TTC39A: variants seen among roughly 807,000 people sequenced by gnomAD.
The protein encoded by TTC39A is tetratricopeptide repeat domain 39A, also known as tetratricopeptide repeat protein 39A.
TTC39A carries 46 observed loss-of-function variants against 82.3 expected under a neutral mutation model. The observed-to-expected ratio is 0.56, with a 90% CI of 0.44 to 0.71. TTC39A has a LOEUF of 0.71. Among genes scored for constraint, TTC39A ranks in the 30% least tolerant of loss-of-function variants. The probability of loss-of-function intolerance (pLI) is 0.00; values close to 1 mark genes in which losing one functional copy is unlikely to be tolerated. For missense variants in TTC39A, 543 were observed against 712.9 expected, an observed-to-expected ratio of 0.76 and a Z score of 2.71; for synonymous variants, 254 against 275.2, an observed-to-expected ratio of 0.92 and a Z score of 0.76.
chr1:51,311,854 C>A (rs1645096616), intron 4 of TTC39A, among the ~76,000 whole-genome samples: 1 of 152,248 alleles, frequency 6.6e-6, no homozygotes, highest in South Asian at 2.1e-4. Context: ...AGGAGCAGAG[C>A]CCTGGCCTTG....
rs1344901520 is a variant in TTC39A, at chr1:51,294,809, G to A, written c.1146-298C>T. Among the ~76,000 whole-genome samples the A allele has an allele frequency of 6.6e-6, 1 of 152,124 alleles. No individual in the cohort carries two copies. The highest frequency in any genetic ancestry group is 2.4e-5 in the African/African-American group (1 of 41,442). On this transcript the variant is annotated intron_variant, in intron 13 of 17. Transcript: ENST00000680483. The surrounding 1 kb of genome is among the most constrained non-coding windows in gnomAD (Gnocchi z 4.3). ...GGGCCGGCCCTGCCTCCTAGTTATC[G>A]CCTCCACTCCCAGGCTCCATTTCTG...
upstream of TTC39A, among the ~76,000 whole-genome samples, chr1:51,332,440 T>C (rs946478651): frequency 1.3e-5 from 2 of 152,236 alleles, no homozygotes; most frequent in Admixed American, 1.3e-4. Flanking sequence ...TTTGTATTTT[T>C]AGTAGAGACA....
At chr1:51,343,210 C>G in intron 1 of TTC39A, 1 of 370,458 alleles carries the variant, frequency 2.7e-6, no homozygotes. Flanking sequence ...GACAAATGAG[C>G]CCTGTCTCCT....
chr1:51,325,157 G>A (rs1047645559), intron 1 of TTC39A, among the ~76,000 whole-genome samples: 1 of 152,028 alleles, frequency 6.6e-6, no homozygotes, highest in Admixed American at 6.6e-5. Flanking sequence ...CGGAGGATGA[G>A]GCAAGAGAAT....
chr1:51,287,881 A>T lies in TTC39A; in HGVS notation c.*276T>A, dbSNP rs1644047175. On this transcript the variant is annotated 3_prime_UTR_variant, in exon 18 of 18. Coordinates refer to ENST00000680483, the MANE Select transcript of TTC39A (RefSeq NM_001297663.2). ...TTTCTAAGGAAAATGTAAACTGTTCATACATTCTCTTAAACATCACAGTGA... is the reference window on the plus strand; with the variant it reads ...TTTCTAAGGAAAATGTAAACTGTTCTTACATTCTCTTAAACATCACAGTGA... The T allele has an allele frequency of 2.5e-6, 1 of 399,408 alleles. No homozygotes were observed. Among genetic ancestry groups the T allele is most frequent in the African/African-American group, 2.0e-5 (1 of 50,964 alleles). 24.7% of individuals were successfully genotyped at this position (399,408 alleles called of 1,614,324 possible).
upstream of TTC39A, chr1:51,330,882 G>A (rs74080535): frequency 3.1e-3 from 1,765 of 576,948 alleles, 20 homozygotes; most frequent in African/African-American, 0.03. This position sits in a 1 kb window ranked among gnomAD's most constrained non-coding sequence, Gnocchi z 4.5. Flanking sequence ...CTTCCGCCCC[G>A]AAGCGGCCCC....
intron 12 of TTC39A, chr1:51,300,683 T>G (rs1160595526): frequency 1.3e-5 from 2 of 152,238 alleles, no homozygotes; most frequent in East Asian, 3.8e-4. Flanking sequence ...ATACTTACCA[T>G]GATAAATTTC....
chr1:51,302,463 G>T (rs368753658), intron 10 of TTC39A, 43 bp downstream of exon 10: 1 of 1,606,732 alleles, frequency 6.2e-7, no homozygotes, highest in South Asian at 1.1e-5. Flanking sequence ...GGGGTCTGTG[G>T]GTGTTTGTGG....
chr1:51,297,724 T>G (rs1487060780), intron 12 of TTC39A: 1 of 152,588 alleles, frequency 6.6e-6, no homozygotes, highest in African/African-American at 2.4e-5. Flanking sequence ...TCTGCTGTCC[T>G]GGTACACATT....
At chr1:51,297,858 T>G (rs537544062) in intron 12 of TTC39A, 1 of 152,594 alleles carries the variant, frequency 6.6e-6, no homozygotes, top group African/African-American at 2.4e-5. Flanking sequence ...TCAGGAGACA[T>G]CTCCTACAAT....
At chr1:51,290,755 G>T in intron 14 of TTC39A, 130 bp from the exon 15 acceptor site, 1 of 682,796 alleles carries the variant, frequency 1.5e-6, no homozygotes, top group Non-Finnish European at 2.5e-6. Flanking sequence ...TCCATGACAG[G>T]TCTCAGTCAG....
At chr1:51,331,889 C>G, upstream of TTC39A, 4 of 896,836 alleles carry the variant, frequency 4.5e-6, no homozygotes, top group Non-Finnish European at 5.3e-6. Context: ...ATTATTTAAA[C>G]AAACTGAAGT....
chr1:51,303,453 C>A (rs954108764), intron 8 of TTC39A, among the ~76,000 whole-genome samples: 1 of 152,232 alleles, frequency 6.6e-6, no homozygotes, highest in Non-Finnish European at 1.5e-5. Flanking sequence ...CAGCCCCTTC[C>A]CCAGCCTCCC....
chr1:51,310,988 A>G (rs1276698343), intron 5 of TTC39A, among the ~76,000 whole-genome samples: 4 of 152,232 alleles, frequency 2.6e-5, no homozygotes, highest in Non-Finnish European at 5.9e-5. Flanking sequence ...GACCCTTAAC[A>G]GGAAATGCAG....
upstream of TTC39A, chr1:51,331,130 T>C (rs887297580): frequency 2.9e-5 from 42 of 1,430,406 alleles, no homozygotes; most frequent in Middle Eastern, 1.7e-4. Context: ...ATGGGGTTCA[T>C]TTGATTCACG....
chr1:51,341,908 A>T (rs1041994137), intron 1 of TTC39A, among the ~76,000 whole-genome samples: 1 of 152,208 alleles, frequency 6.6e-6, no homozygotes, highest in Admixed American at 6.5e-5. Context: ...GAAGCATCTG[A>T]GAGCTCCTCC....
chr1:51,311,093 C>T (rs1645065454), intron 5 of TTC39A, among the ~76,000 whole-genome samples, 161 bp downstream of exon 5: 1 of 152,210 alleles, frequency 6.6e-6, no homozygotes, highest in Non-Finnish European at 1.5e-5. Context: ...TTGAGCCCCG[C>T]CAGGGGCAGG....
intron 12 of TTC39A, chr1:51,297,887 A>C (rs1259726100): frequency 1.3e-5 from 2 of 152,342 alleles, no homozygotes; most frequent in African/African-American, 2.4e-5. Flanking sequence ...CACCTGCAGC[A>C]CTCCAGCCAC....
intron 12 of TTC39A, chr1:51,297,762 G>A (rs1644497013): frequency 6.6e-6 from 1 of 152,394 alleles, no homozygotes; most frequent in Admixed American, 6.5e-5. Flanking sequence ...TCCCACTCCT[G>A]TCCCCTGCAA....
Sources: gnomAD v4.1 joint callset for allele counts (sites outside exome capture counted in the v4.1 genomes callset) on GRCh38, gnomAD v4.1.1 for gene constraint, Gnocchi (gnomAD v3.1) non-coding constraint, MANE v1.5 for transcripts, NCBI Gene and HGNC (gene_info 2026-07-23, HGNC 2026-07-21) for gene names.